Variants in CMC1 observed in about 807,000 individuals in gnomAD.
The protein encoded by CMC1 is COX assembly mitochondrial protein homolog.
A neutral mutation model predicts 14.1 loss-of-function variants in CMC1; 14 were observed. The ratio of observed to expected loss-of-function variants is 0.99; its 90% CI spans 0.66 to 1.55. The LOEUF is 1.55. CMC1 is among the 40% of genes most tolerant of loss of function. The pLI is 0.00. For synonymous variants in CMC1, 50 were observed against 38.4 expected (o/e 1.30, Z -1.12); for missense variants, 127 against 123.8 (o/e 1.03, Z -0.12).
chr3:28,296,223 C>G (rs539070939), intron 2 of CMC1, among the ~76,000 whole-genome samples: 1 of 151,924 alleles, frequency 6.6e-6, no homozygotes, highest in Admixed American at 6.6e-5. Flanking sequence ...GCTGAGACTC[C>G]TTAAATGGTT....
intron 2 of CMC1, among the ~76,000 whole-genome samples, chr3:28,309,821 C>CCACACACACACA (rs57499697): frequency 0.013 from 1,660 of 131,828 alleles, 44 homozygotes; most frequent in South Asian, 0.024. Flanking sequence ...CTGATATTTA[C>CCACACACACACA]CACACACACA....
At chr3:28,271,300 A>G (rs543729271) in intron 2 of CMC1, among the ~76,000 whole-genome samples, 150 of 152,204 alleles carry the variant, frequency 9.9e-4, no homozygotes, top group African/African-American at 3.4e-3. Flanking sequence ...GTGTTTCACC[A>G]TATTGACCAG....
chr3:28,258,091 C>A (rs1053509038), intron 1 of CMC1, among the ~76,000 whole-genome samples: 18 of 107,626 alleles, frequency 1.7e-4, no homozygotes, highest in Admixed American at 1.0e-3. Context: ...TATATACTTA[C>A]AATTTGCATA....
At chr3:28,242,697 C>T (rs1180050535) in intron 1 of CMC1, among the ~76,000 whole-genome samples, 3 of 152,138 alleles carry the variant, frequency 2.0e-5, no homozygotes, top group Non-Finnish European at 4.4e-5. Flanking sequence ...CTCCATTTTA[C>T]AGATTAGGAA....
intron 2 of CMC1, among the ~76,000 whole-genome samples, chr3:28,280,120 A>G (rs976757605): frequency 6.6e-6 from 1 of 152,218 alleles, no homozygotes; most frequent in Non-Finnish European, 1.5e-5. Flanking sequence ...TTTCAAAACT[A>G]TTATGCTTAG....
chr3:28,283,608 T>C (rs544593460), intron 2 of CMC1, among the ~76,000 whole-genome samples: 1 of 151,844 alleles, frequency 6.6e-6, no homozygotes, highest in African/African-American at 2.4e-5. Flanking sequence ...TAATATATTG[T>C]CTTGCTTTTA....
At chr3:28,244,815 T>G (rs1698726615) in intron 1 of CMC1, among the ~76,000 whole-genome samples, 1 of 151,702 alleles carries the variant, frequency 6.6e-6, no homozygotes, top group Non-Finnish European at 1.5e-5. Context: ...AACAATGTGA[T>G]TATTGGAAAC....
At chr3:28,314,072 A>G (rs1343553842) in intron 2 of CMC1, among the ~76,000 whole-genome samples, 1 of 152,214 alleles carries the variant, frequency 6.6e-6, no homozygotes, top group Admixed American at 6.5e-5. Flanking sequence ...ACTATTGAAC[A>G]TGGCAGTTCT....
chr3:28,319,170 C>CT (rs1363023013), intron 3 of CMC1: 3 of 445,816 alleles, frequency 6.7e-6, no homozygotes, highest in Non-Finnish European at 1.3e-5. Context: ...CTCCCCATTT[C>CT]TTCCTTGTTT....
chr3:28,302,442 T>C (rs1702101369), intron 2 of CMC1, among the ~76,000 whole-genome samples: 1 of 152,128 alleles, frequency 6.6e-6, no homozygotes, highest in African/African-American at 2.4e-5. Context: ...GAAAAGTGTG[T>C]TTGGGGAGAC....
intron 1 of CMC1, among the ~76,000 whole-genome samples, chr3:28,257,172 A>G (rs1440112063): frequency 6.6e-6 from 1 of 152,206 alleles, no homozygotes; most frequent in Non-Finnish European, 1.5e-5. Context: ...AAATTGAGGT[A>G]AAATATACAG....
chr3:28,297,741 A>C (rs1701804034), intron 2 of CMC1, among the ~76,000 whole-genome samples: 1 of 152,024 alleles, frequency 6.6e-6, no homozygotes, highest in South Asian at 2.1e-4. Flanking sequence ...GAAAAAAGGT[A>C]AATCCTCAGA....
chr3:28,270,458 G>T (rs772679841), intron 2 of CMC1, among the ~76,000 whole-genome samples: 2 of 151,990 alleles, frequency 1.3e-5, no homozygotes, highest in Non-Finnish European at 2.9e-5. Context: ...ATTCTGACTG[G>T]CATGAGATGG....
At position 28,241,694 on chromosome 3, in the gene CMC1, G is replaced by T. The variant is rs1698518665; in HGVS notation, c.-100G>T. The T allele has an allele frequency of 8.1e-7, 1 of 1,231,482 alleles. No homozygotes were observed. The highest frequency in any genetic ancestry group is 4.1e-5 in the South Asian group (1 of 24,098). The allele number at this position is 1,231,482 out of a possible 1,614,324, so 76.3% of individuals were successfully genotyped here. A position where few individuals can be genotyped will look rare whatever the true frequency, so the allele number is the denominator to read the frequency against. On this transcript the variant is annotated 5_prime_UTR_variant, in exon 1 of 4. Coordinates refer to ENST00000466830, the MANE Select transcript of CMC1 (RefSeq NM_182523.2). ...CGTGTTTCTGTTGCGGGAAGCTCCC[G>T]GGGGTCGCACGTGCGTCCGAGCCCA...
At chr3:28,270,749 A>C (rs1700236943) in intron 2 of CMC1, among the ~76,000 whole-genome samples, 1 of 151,930 alleles carries the variant, frequency 6.6e-6, no homozygotes, top group Non-Finnish European at 1.5e-5. Flanking sequence ...GAAACTCTTT[A>C]GTTTAACTAG....
chr3:28,276,380 C>A (rs1041897787), intron 2 of CMC1, among the ~76,000 whole-genome samples: 1 of 152,024 alleles, frequency 6.6e-6, no homozygotes, highest in African/African-American at 2.4e-5. Context: ...TACATTTGAA[C>A]ACAAATGTGA....
intron 2 of CMC1, among the ~76,000 whole-genome samples, chr3:28,274,433 A>G (rs576842694): frequency 2.0e-5 from 3 of 151,994 alleles, no homozygotes; most frequent in Non-Finnish European, 4.4e-5. Flanking sequence ...AATATTGAAT[A>G]TTAGCACCCA....
chr3:28,300,913 A>G (rs1412659168), intron 2 of CMC1, among the ~76,000 whole-genome samples: 2 of 146,894 alleles, frequency 1.4e-5, no homozygotes, highest in Non-Finnish European at 3.0e-5. Flanking sequence ...ACTTGCAGAC[A>G]TACCCCCCCG....
intron 2 of CMC1, among the ~76,000 whole-genome samples, chr3:28,312,012 T>C (rs756201641): frequency 6.6e-6 from 1 of 152,344 alleles, no homozygotes; most frequent in East Asian, 1.9e-4. Flanking sequence ...AGAGTTGATA[T>C]GATGTATTAT....
Sources: allele counts gnomAD v4.1 joint callset (sites outside exome capture counted in the v4.1 genomes callset), GRCh38; gene constraint gnomAD v4.1.1; transcripts MANE v1.5; gene names NCBI Gene and HGNC (gene_info 2026-07-23, HGNC 2026-07-21).